EYA1: variants seen among roughly 807,000 people sequenced by gnomAD.
EYA1 encodes protein phosphatase EYA1.
Under a neutral mutation model 82.0 loss-of-function variants are expected in EYA1, and 16 were observed. That is an observed-to-expected ratio of 0.20 (90% CI 0.13 to 0.30). The LOEUF is 0.30. EYA1 is among the 10% of genes least tolerant of loss of function. The pLI is 1.00. For missense variants in EYA1, 633 were observed against 730.7 expected (o/e 0.87, Z 1.54); for synonymous variants, 261 against 264.4 (o/e 0.99, Z 0.12).
intron 2 of EYA1, among the ~76,000 whole-genome samples, chr8:71,437,903 A>G (rs1443023867): frequency 1.3e-5 from 2 of 152,160 alleles, no homozygotes; most frequent in African/African-American, 2.4e-5. Flanking sequence ...GGAATATGAC[A>G]TTCAATTTGA....
At chr8:71,456,637 G>A (rs1490855338) in intron 2 of EYA1, among the ~76,000 whole-genome samples, 6 of 148,470 alleles carry the variant, frequency 4.0e-5, no homozygotes, top group Non-Finnish European at 6.0e-5. Flanking sequence ...TGACAAACCT[G>A]AAAAAAAAAC....
At chr8:71,214,606 C>T (rs1808940163) in intron 16 of EYA1, among the ~76,000 whole-genome samples, 1 of 152,162 alleles carries the variant, frequency 6.6e-6, no homozygotes. Flanking sequence ...AGGCTTGAGC[C>T]TTGTGTTTGT....
At chr8:71,295,485 T>C (rs1054960347) in intron 9 of EYA1, among the ~76,000 whole-genome samples, 3 of 152,190 alleles carry the variant, frequency 2.0e-5, no homozygotes, top group Admixed American at 6.5e-5. Flanking sequence ...GTGCTTCACA[T>C]CATATGTCAT....
chr8:71,496,843 G>A (rs908679709), intron 2 of EYA1, among the ~76,000 whole-genome samples: 1 of 150,660 alleles, frequency 6.6e-6, no homozygotes, highest in Non-Finnish European at 1.5e-5. Flanking sequence ...TCAAGAGCCA[G>A]AAAAAGCCTG....
intron 9 of EYA1, among the ~76,000 whole-genome samples, chr8:71,284,015 C>T (rs1818105218): frequency 1.3e-5 from 2 of 152,194 alleles, no homozygotes; most frequent in African/African-American, 4.8e-5. Flanking sequence ...CCTCCAACTC[C>T]ACCTGCCTGC....
intron 1 of EYA1, among the ~76,000 whole-genome samples, chr8:71,545,368 C>T (rs1023217561): frequency 3.3e-5 from 5 of 152,072 alleles, no homozygotes; most frequent in Admixed American, 2.0e-4. Context: ...AGCTAGATCA[C>T]GTAAGTCAAT....
chr8:71,462,278 A>G (rs990090005), intron 2 of EYA1, among the ~76,000 whole-genome samples: 4 of 152,116 alleles, frequency 2.6e-5, no homozygotes, highest in East Asian at 1.9e-4. Context: ...TCAGTGCCCA[A>G]TGTCAGGAAG....
intron 9 of EYA1, among the ~76,000 whole-genome samples, chr8:71,281,510 C>T (rs1285449605): frequency 6.6e-6 from 1 of 152,248 alleles, no homozygotes; most frequent in Non-Finnish European, 1.5e-5. Flanking sequence ...AAGATGGTGA[C>T]TGCTGCTTGC....
intron 7 of EYA1, among the ~76,000 whole-genome samples, chr8:71,308,598 T>C (rs1231846853): frequency 6.6e-6 from 1 of 151,970 alleles, no homozygotes; most frequent in East Asian, 1.9e-4. Context: ...TCTTCGTAGT[T>C]AAGAACACAG....
At chr8:71,393,470 A>G (rs965438520) in intron 2 of EYA1, among the ~76,000 whole-genome samples, 8 of 152,044 alleles carry the variant, frequency 5.3e-5, no homozygotes, top group African/African-American at 1.9e-4. Context: ...GACAGTCCCC[A>G]GTGTGTGATG....
chr8:71,206,377 A>G (rs1749678386), intron 17 of EYA1, among the ~76,000 whole-genome samples: 2 of 152,006 alleles, frequency 1.3e-5, no homozygotes, highest in South Asian at 4.2e-4. Flanking sequence ...CAGCACCACT[A>G]TGCTGGGCTA....
chr8:71,493,189 T>C (rs1007744191), intron 2 of EYA1, among the ~76,000 whole-genome samples: 1 of 152,232 alleles, frequency 6.6e-6, no homozygotes, highest in Non-Finnish European at 1.5e-5. Flanking sequence ...GTTGATTCCA[T>C]GTCTTGGCTA....
chr8:71,300,641 A>T (rs1277374151), intron 7 of EYA1, among the ~76,000 whole-genome samples: 1 of 152,110 alleles, frequency 6.6e-6, no homozygotes, highest in South Asian at 2.1e-4. Flanking sequence ...TAAGAAAAAA[A>T]ATTATAGATT....
intron 2 of EYA1, among the ~76,000 whole-genome samples, chr8:71,506,731 G>A (rs556757886): frequency 2.0e-5 from 3 of 152,056 alleles, no homozygotes; most frequent in African/African-American, 7.2e-5. Flanking sequence ...AAGCATGAAA[G>A]TACTAGAGAA....
upstream of EYA1, among the ~76,000 whole-genome samples, chr8:71,365,624 C>T (rs7830864): frequency 0.92 from 140,559 of 152,222 alleles, 65,050 homozygotes; most frequent in African/African-American, 0.98. Context: ...CCTGGTTTCA[C>T]ATAAATTTAT....
At chr8:71,215,174 C>G (rs1429880016) in intron 16 of EYA1, among the ~76,000 whole-genome samples, 1 of 152,132 alleles carries the variant, frequency 6.6e-6, no homozygotes, top group Non-Finnish European at 1.5e-5. Context: ...TTAACGTTAG[C>G]CAGTCAAGTA....
At position 71,535,843 on chromosome 8, in the gene EYA1, C is replaced by T. The variant is rs900378439; in HGVS notation, c.-67G>A. ...ACTTCTTCAAAGGGTTCCAACACCC[C>T]TGCACCTGTGAACAACAGAGCATCA... On this transcript the variant is annotated 5_prime_UTR_variant, in exon 2 of 19. Transcript: ENST00000643681. 6.8e-6 allele frequency: 7 copies of T among 1,032,176 alleles called. No homozygotes were observed. The African/African-American group carries it at 8.2e-5, about 12-fold the overall frequency. The allele number at this position is 1,032,176 out of a possible 1,614,324, so 63.9% of individuals were successfully genotyped here. A position where few individuals can be genotyped will look rare whatever the true frequency, so the allele number is the denominator to read the frequency against.
intron 9 of EYA1, among the ~76,000 whole-genome samples, chr8:71,273,914 T>C (rs1261578597): frequency 1.3e-5 from 2 of 152,378 alleles, no homozygotes; most frequent in Non-Finnish European, 1.5e-5. Flanking sequence ...TTATCTTTCC[T>C]AGATTTTGTT....
At chr8:71,483,675 G>A (rs899273174) in intron 2 of EYA1, among the ~76,000 whole-genome samples, 11 of 132,552 alleles carry the variant, frequency 8.3e-5, no homozygotes, top group South Asian at 4.2e-4. Flanking sequence ...GTGTGTGTGC[G>A]TGTGTGTGTG....
Sources: gnomAD v4.1 joint callset for allele counts (sites outside exome capture counted in the v4.1 genomes callset) on GRCh38, gnomAD v4.1.1 for gene constraint, MANE v1.5 for transcripts, NCBI Gene and HGNC (gene_info 2026-07-23, HGNC 2026-07-21) for gene names.